Variants in ATG13 observed in about 807,000 individuals in gnomAD.
ATG13 encodes the protein autophagy-related protein 13.
Under a neutral mutation model 65.5 loss-of-function variants are expected in ATG13, and 23 were observed. The ratio of observed to expected loss-of-function variants is 0.35; its 90% CI spans 0.25 to 0.50. The LOEUF (loss-of-function observed/expected upper bound fraction) is 0.50. Among genes scored for constraint, ATG13 ranks in the 20% least tolerant of loss-of-function variants. The pLI is 0.98. For synonymous variants in ATG13, 252 were observed against 245.2 expected (o/e 1.03, Z -0.26); for missense variants, 566 against 677.0 (o/e 0.84, Z 1.82).
At chr11:46,653,175 CTTTTCTTTTT>C (rs2059269436) in intron 7 of ATG13, among the ~76,000 whole-genome samples, 1 of 145,372 alleles carries the variant, frequency 6.9e-6, no homozygotes. Context: ...CATTTCATTT[CTTTTCTTTTT>C]TTTTTTTTTT....
chr11:46,644,012 T>A (rs1006388023), intron 2 of ATG13, among the ~76,000 whole-genome samples: 1 of 152,224 alleles, frequency 6.6e-6, no homozygotes, highest in Non-Finnish European at 1.5e-5. Flanking sequence ...TTTGAATGGA[T>A]AATTAAAGCT....
At chr11:46,639,596 TA>T (rs1270939550) in intron 2 of ATG13, among the ~76,000 whole-genome samples, 1 of 152,126 alleles carries the variant, frequency 6.6e-6, no homozygotes, top group Admixed American at 6.6e-5. Context: ...AAAAGAGGTT[TA>T]ATTGTAGGGT....
intron 2 of ATG13, among the ~76,000 whole-genome samples, chr11:46,636,412 C>T (rs2053973037): frequency 6.6e-6 from 1 of 151,760 alleles, no homozygotes; most frequent in African/African-American, 2.4e-5. Flanking sequence ...AAAAAAATTA[C>T]CTGGGCATGG....
Position 46,665,456 on chromosome 11 carries a change from A to G in ATG13, c.1073A>G (p.Gln358Arg), listed in dbSNP as rs551963199. The G allele has an allele frequency of 3.1e-6, 5 of 1,614,206 alleles. No homozygotes were observed. In the East Asian group the frequency reaches 6.7e-5, roughly 22 times the overall value. The change falls in exon 14 of 19, where the codon CAG (glutamine) becomes CGG (arginine). Residue 358 changes from glutamine (Q) to arginine (R), a missense_variant. Physicochemically the swap from Gln to Arg is conservative, Grantham distance 43. Transcript: ENST00000683050. The stretch of plus-strand genomic sequence containing the variant: ...CCTGTCCATGGTACCCAGGCTGACC[A>G]GGAGAGACTGGCAACCTGCACCCCT... ...NQPVHGTQAD[Q>R]ERLATCTPSD...
rs1303150374 is a variant in ATG13 at position 46,617,892 on chromosome 11, T to A, written c.-70+2T>A. The stretch of plus-strand genomic sequence containing the variant: ...ACTCTTTGTGCCGCAGCTTCGCAGG[T>A]ACTAACTTTTGCGGGGGATACCCCA... On this transcript the variant is annotated splice_donor_variant, in intron 1 of 18. Transcript: ENST00000683050. LOFTEE classifies it low-confidence loss of function (5UTR_SPLICE). 2 of 399,000 alleles carry A rather than the reference T, an allele frequency of 5.0e-6. No homozygotes were observed. The highest frequency in any genetic ancestry group is 4.1e-5 in the African/African-American group (2 of 48,644). 24.7% of individuals were successfully genotyped at this position (399,000 alleles called of 1,614,324 possible). A position where few individuals can be genotyped will look rare whatever the true frequency, so the allele number is the denominator to read the frequency against.
Position 46,668,811 on chromosome 11 carries a change from C to T in ATG13, c.1347C>T (p.Ser449=). Residue 449 remains serine, a synonymous_variant, in exon 17 of 19, where the codon TCC becomes TCT. Transcript: ENST00000683050. ...TGAAACAGGTGAATCCTCCAGATTC[C>T]CCAGAGACTGAATCTCCTCTCCAGG... The part of the protein sequence containing the change: ...DTDPMVNPPD[S]PETESPLQGS... The T allele has an allele frequency of 6.2e-7, 1 of 1,612,960 alleles. No individual in the cohort carries two copies. Among genetic ancestry groups the T allele is most frequent in the Non-Finnish European group, 8.5e-7 (1 of 1,179,364 alleles).
At chr11:46,651,215 A>G (rs1011790509) in intron 7 of ATG13, among the ~76,000 whole-genome samples, 6 of 152,326 alleles carry the variant, frequency 3.9e-5, no homozygotes, top group African/African-American at 1.4e-4. Flanking sequence ...ACTTTTAAAA[A>G]GCAGGATTTG....
chr11:46,665,093 A>G (rs902717192), intron 13 of ATG13, 134 bp downstream of exon 13: 34 of 948,044 alleles, frequency 3.6e-5, no homozygotes, highest in Non-Finnish European at 5.4e-5. Context: ...TCGTGACTTC[A>G]GAGACCAAAA....
At chr11:46,643,305 A>G (rs1306288982) in intron 2 of ATG13, among the ~76,000 whole-genome samples, 3 of 152,142 alleles carry the variant, frequency 2.0e-5, no homozygotes, top group Non-Finnish European at 2.9e-5. Context: ...GAGGTCTTCT[A>G]CTACTTTTAT....
At position 46,657,076 on chromosome 11, in the gene ATG13, A is replaced by G. The variant is rs1469928226; in HGVS notation, c.500-19A>G. 6.3e-7 allele frequency: 1 copy of G among 1,588,972 alleles called. No homozygotes were observed. The highest frequency in any genetic ancestry group is 8.6e-7 in the Non-Finnish European group (1 of 1,157,232). On this transcript the variant is annotated intron_variant, in intron 8 of 18. Transcript: ENST00000683050. ...AGTATTCTCTGCAAAAGAAGCTAAT[A>G]ATGTATCTCTTCTCCTAGGCTTCCA...
At chr11:46,645,160 G>C (rs2057196473) in intron 3 of ATG13, among the ~76,000 whole-genome samples, 179 bp from the exon 4 acceptor site, 1 of 152,082 alleles carries the variant, frequency 6.6e-6, no homozygotes, top group African/African-American at 2.4e-5. Flanking sequence ...GTTATTTTTT[G>C]TATGTGGTGT....
chr11:46,663,438 C>A (rs997362167), intron 11 of ATG13, among the ~76,000 whole-genome samples: 5 of 152,058 alleles, frequency 3.3e-5, no homozygotes, highest in African/African-American at 7.2e-5. Flanking sequence ...CATACACACA[C>A]CCCTGCACAC....
rs371039787 is a variant in ATG13, at chr11:46,645,943, C to T, written c.224C>T (p.Ala75Val). ...AKKALAGQLPAVGRSMCVEIS... is the reference protein window; with the variant it reads ...AKKALAGQLPVVGRSMCVEIS... ...AAGGCACTGGCAGGACAGCTGCCTGCAGTCGGGAGGTCCATGTGTGTGGAG... is the reference window on the plus strand; with the variant it reads ...AAGGCACTGGCAGGACAGCTGCCTGTAGTCGGGAGGTCCATGTGTGTGGAG... The change falls in exon 5 of 19, where the codon GCA becomes GTA. Residue 75 changes from alanine (A) to valine (V), a missense_variant. By Grantham distance (64) the Ala-to-Val change is moderately conservative. Coordinates refer to ENST00000683050, the MANE Select transcript of ATG13 (RefSeq NM_001346311.2). 4.3e-6 allele frequency: 7 copies of T among 1,614,152 alleles called. No homozygotes were observed. Among genetic ancestry groups the T allele is most frequent in the African/African-American group, 1.3e-5 (1 of 75,048 alleles).
At chr11:46,659,547 A>T in intron 11 of ATG13, 62 bp downstream of exon 11, 1 of 1,370,344 alleles carries the variant, frequency 7.3e-7, no homozygotes, top group Non-Finnish European at 1.0e-6. Context: ...GCTTTATGAA[A>T]TGGTGTCCAA....
At chr11:46,669,287 C>T (rs1592279580) in intron 17 of ATG13, 117 bp from the exon 18 acceptor site, 6 of 1,274,278 alleles carry the variant, frequency 4.7e-6, no homozygotes, top group Non-Finnish European at 6.6e-6. Context: ...AAAGATTTCT[C>T]TCCCTAAGAT....
intron 1 of ATG13, among the ~76,000 whole-genome samples, chr11:46,624,875 A>T (rs544706505): frequency 6.6e-6 from 1 of 152,248 alleles, no homozygotes; most frequent in African/African-American, 2.4e-5. Flanking sequence ...TTTACAAAAA[A>T]ATAAAAAATT....
chr11:46,646,029 A>G (rs1243929924), intron 5 of ATG13, 40 bp downstream of exon 5: 2 of 1,612,034 alleles, frequency 1.2e-6, no homozygotes, highest in African/African-American at 2.7e-5. Context: ...TTTAGCACTG[A>G]AGGCTCCTCA....
intron 12 of ATG13, 48 bp from the exon 13 acceptor site, chr11:46,664,800 AT>A: frequency 6.5e-7 from 1 of 1,548,656 alleles, no homozygotes; most frequent in Non-Finnish European, 8.9e-7. Flanking sequence ...GGGATTGCCT[AT>A]TTTTTCCTTG....
intron 7 of ATG13, among the ~76,000 whole-genome samples, chr11:46,655,109 A>G (rs944846016): frequency 6.7e-6 from 1 of 150,194 alleles, no homozygotes; most frequent in African/African-American, 2.5e-5. Flanking sequence ...AAAAAAAACC[A>G]AAAAACAGGT....
Sources: allele counts gnomAD v4.1 joint callset (sites outside exome capture counted in the v4.1 genomes callset), GRCh38; gene constraint gnomAD v4.1.1; transcripts MANE v1.5; gene names NCBI Gene and HGNC (gene_info 2026-07-23, HGNC 2026-07-21).